The following HUNK variants were observed in gnomAD, a reference collection of about 807,000 sequenced individuals.
HUNK encodes hormonally up-regulated Neu-associated kinase.
HUNK carries 21 observed loss-of-function variants against 61.0 expected under a neutral mutation model. The ratio of observed to expected loss-of-function variants is 0.34; its 90% CI spans 0.24 to 0.50. The LOEUF is 0.50. HUNK is among the 20% of genes least tolerant of loss of function. HUNK has a pLI of 0.98. For synonymous variants in HUNK, 371 were observed against 386.1 expected, an observed-to-expected ratio of 0.96 and a Z score of 0.46; for missense variants, 772 against 945.7, an observed-to-expected ratio of 0.82 and a Z score of 2.41.
rs1405246881 is a variant in HUNK, at chr21:31,873,977, G to C, written c.261+42G>C. ...CCGTGGGGCTGGGGCACAGGGGCGG[G>C]AGTCGGCGGCCAGGACCCCGCGGGG... is the stretch of plus-strand genomic sequence containing the variant. On this transcript the variant is annotated intron_variant, in intron 1 of 10. Transcript: ENST00000270112. The surrounding 1 kb of genome is among the most constrained non-coding windows in gnomAD (Gnocchi z 6.1). The C allele has an allele frequency of 7.1e-7, 1 of 1,400,224 alleles. No individual in the cohort carries two copies. Among genetic ancestry groups the C allele is most frequent in the African/African-American group, 1.5e-5 (1 of 67,954 alleles). 86.7% of individuals were successfully genotyped at this position (1,400,224 alleles called of 1,614,324 possible).
At chr21:31,976,626 T>A (rs2053051998) in intron 7 of HUNK, among the ~76,000 whole-genome samples, 2 of 149,582 alleles carry the variant, frequency 1.3e-5, no homozygotes, top group African/African-American at 4.9e-5. Context: ...GCCACCACGC[T>A]TGTCTAATTT....
intron 1 of HUNK, among the ~76,000 whole-genome samples, chr21:31,899,540 T>C (rs1267763912): frequency 1.3e-5 from 2 of 152,232 alleles, no homozygotes; most frequent in Admixed American, 1.3e-4. Flanking sequence ...ACATCTGCAA[T>C]GACCCCATCT....
intron 1 of HUNK, among the ~76,000 whole-genome samples, chr21:31,886,079 G>A (rs1436465976): frequency 6.6e-6 from 1 of 152,094 alleles, no homozygotes; most frequent in Non-Finnish European, 1.5e-5. Flanking sequence ...AATTGGATCA[G>A]GGCCCACCTT....
intron 2 of HUNK, among the ~76,000 whole-genome samples, chr21:31,925,896 C>T (rs993684847): frequency 6.6e-6 from 1 of 151,780 alleles, no homozygotes; most frequent in African/African-American, 2.4e-5. Flanking sequence ...TCAATAATTA[C>T]TCTGGGTTAT....
intron 1 of HUNK, among the ~76,000 whole-genome samples, chr21:31,894,518 A>G (rs1321705748): frequency 1.3e-5 from 2 of 152,114 alleles, no homozygotes; most frequent in African/African-American, 2.4e-5. Context: ...CAAACACTTA[A>G]TGGTGGCCCT....
chr21:31,965,461 T>TA (rs1373618684), intron 5 of HUNK, among the ~76,000 whole-genome samples: 1 of 151,664 alleles, frequency 6.6e-6, no homozygotes, highest in African/African-American at 2.4e-5. Context: ...AAGTAAAAGT[T>TA]AAAAAAAAAT....
At chr21:31,992,403 C>T (rs776305411) in intron 9 of HUNK, among the ~76,000 whole-genome samples, 1 of 152,312 alleles carries the variant, frequency 6.6e-6, no homozygotes, top group East Asian at 1.9e-4. Flanking sequence ...TGCAAATGTC[C>T]GTGCACATCC....
intron 8 of HUNK, among the ~76,000 whole-genome samples, chr21:31,986,253 G>A (rs536454626): frequency 6.6e-6 from 1 of 151,624 alleles, no homozygotes; most frequent in South Asian, 2.1e-4. Context: ...CCCCAGCAGT[G>A]CAAGGAAGAA....
At chr21:31,892,239 G>A (rs1337691894) in intron 1 of HUNK, among the ~76,000 whole-genome samples, 13 of 131,414 alleles carry the variant, frequency 9.9e-5, no homozygotes, top group Non-Finnish European at 1.7e-4. Flanking sequence ...TGTACAGCAC[G>A]TAGCCTGAAA....
rs368348844 is a variant in HUNK, at chr21:31,882,675, G to A, written c.261+8740G>A. Among the ~76,000 whole-genome samples the A allele has an allele frequency of 3.9e-5, 6 of 152,134 alleles. No individual in the cohort carries two copies. The East Asian group carries it at 9.6e-4, about 24-fold the overall frequency. On this transcript the variant is annotated intron_variant, in intron 1 of 10. Transcript: ENST00000270112. Reference sequence around the variant, plus strand: ...TTTCCACGGGTTGGTATTATATCAAGTCCTCTGTTCTAGTTACCTTGAAAT... The same window carrying A: ...TTTCCACGGGTTGGTATTATATCAAATCCTCTGTTCTAGTTACCTTGAAAT...
At chr21:31,901,219 A>G (rs1234355036) in intron 1 of HUNK, among the ~76,000 whole-genome samples, 2 of 152,214 alleles carry the variant, frequency 1.3e-5, no homozygotes, top group African/African-American at 2.4e-5. Flanking sequence ...TGGGGGACAC[A>G]TAACAAACAC....
intron 1 of HUNK, among the ~76,000 whole-genome samples, chr21:31,914,408 CAAAAAAAAAAAAAAA>C (rs35023797): frequency 1.0e-4 from 4 of 39,826 alleles, no homozygotes; most frequent in African/African-American, 2.1e-4. Flanking sequence ...AACTCTGTCT[CAAAAAAAAAAAAAAA>C]AAAAAAAAAA....
chr21:31,990,606 G>T (rs2053166071), intron 9 of HUNK, among the ~76,000 whole-genome samples: 1 of 151,370 alleles, frequency 6.6e-6, no homozygotes, highest in Non-Finnish European at 1.5e-5. Flanking sequence ...TGTGATCTTG[G>T]CTCACTGCAA....
At chr21:31,996,972 G>A (rs574198552) in intron 10 of HUNK, among the ~76,000 whole-genome samples, 14 of 152,324 alleles carry the variant, frequency 9.2e-5, no homozygotes, top group Non-Finnish European at 1.9e-4. Flanking sequence ...CATTAATGAA[G>A]TTTTACTTCT....
At chr21:31,920,102 C>T (rs560091142) in intron 1 of HUNK, among the ~76,000 whole-genome samples, 1 of 152,320 alleles carries the variant, frequency 6.6e-6, no homozygotes, top group South Asian at 2.1e-4. Context: ...CAGTGGCAGC[C>T]AACATTCCTT....
At chr21:31,967,988 T>C (rs1171787469) in intron 5 of HUNK, among the ~76,000 whole-genome samples, 1 of 152,090 alleles carries the variant, frequency 6.6e-6, no homozygotes, top group Non-Finnish European at 1.5e-5. Context: ...TTAAATTCTT[T>C]GGCTATGTGG....
At chr21:31,930,103 G>A (rs1052264240) in intron 2 of HUNK, among the ~76,000 whole-genome samples, 2 of 152,214 alleles carry the variant, frequency 1.3e-5, no homozygotes, top group African/African-American at 2.4e-5. Flanking sequence ...ACAGCTTCAT[G>A]GATTGGGATG....
intron 1 of HUNK, among the ~76,000 whole-genome samples, chr21:31,917,546 CTG>C (rs957493916): frequency 2.7e-4 from 41 of 152,212 alleles, no homozygotes; most frequent in African/African-American, 9.4e-4. Flanking sequence ...CTTTGGAAAA[CTG>C]ATTCCTTTGT....
intron 1 of HUNK, among the ~76,000 whole-genome samples, chr21:31,911,811 G>A (rs866198118): frequency 1.6e-4 from 25 of 151,958 alleles, no homozygotes; most frequent in Admixed American, 6.6e-4. Flanking sequence ...GTAATGCTGC[G>A]CCTGTGAGGT....
Sources: gnomAD v4.1 joint callset for allele counts (sites outside exome capture counted in the v4.1 genomes callset) on GRCh38, gnomAD v4.1.1 for gene constraint, Gnocchi (gnomAD v3.1) non-coding constraint, MANE v1.5 for transcripts, NCBI Gene and HGNC (gene_info 2026-07-23, HGNC 2026-07-21) for gene names.